ZFAND6: variants seen among roughly 807,000 people sequenced by gnomAD.
ZFAND6 encodes the protein AN1-type zinc finger protein 6.
In ZFAND6, 12 loss-of-function variants were observed where a neutral mutation model predicts 24.5. The observed-to-expected ratio is 0.49, with a 90% CI of 0.31 to 0.79. The LOEUF is 0.79. Among genes scored for constraint, ZFAND6 ranks in the 30% least tolerant of loss-of-function variants. The pLI, the probability that ZFAND6 is intolerant of heterozygous loss-of-function variation, is 0.04. For synonymous variants in ZFAND6, 92 were observed against 81.5 expected (o/e 1.13, Z -0.69); for missense variants, 207 against 245.9 (o/e 0.84, Z 1.06).
intron 2 of ZFAND6, among the ~76,000 whole-genome samples, chr15:80,100,622 TC>T (rs747322354): frequency 1.3e-5 from 2 of 152,226 alleles, no homozygotes; most frequent in Non-Finnish European, 2.9e-5. Flanking sequence ...TCTACTTTAT[TC>T]CCTCTTCCTT....
rs576274576 is a variant in ZFAND6 at position 80,068,003 on chromosome 15, C to G, written c.-181+8194C>G. On this transcript the variant is annotated intron_variant, in intron 1 of 6. Transcript: ENST00000261749. ...TTGAGACGGAATCTTACTCTGTTGC[C>G]CAGGCTGGAGTGCAGTGGCACAATC... 1.1e-4 allele frequency among the ~76,000 whole-genome samples: 17 copies of G among 152,056 alleles called. No individual in the cohort carries two copies. In the South Asian group the frequency reaches 2.1e-3, roughly 19 times the overall value.
At chr15:80,072,734 GT>G (rs2037050092) in intron 1 of ZFAND6, 1 of 151,966 alleles carries the variant, frequency 6.6e-6, no homozygotes, top group Non-Finnish European at 1.5e-5. Context: ...TTTTGTCACT[GT>G]TTTTATTTTC....
intron 1 of ZFAND6, among the ~76,000 whole-genome samples, chr15:80,079,245 G>C (rs2037488591): frequency 6.6e-6 from 1 of 151,834 alleles, no homozygotes; most frequent in African/African-American, 2.4e-5. Context: ...TTTGGAGACG[G>C]AGTCTCGCTC....
chr15:80,067,126 G>C (rs555563356), intron 1 of ZFAND6, among the ~76,000 whole-genome samples: 1 of 152,276 alleles, frequency 6.6e-6, no homozygotes, highest in African/African-American at 2.4e-5. Flanking sequence ...AGAATGACTG[G>C]TGTTTACTGA....
At chr15:80,093,622 G>A (rs2038527230) in intron 1 of ZFAND6, among the ~76,000 whole-genome samples, 1 of 152,172 alleles carries the variant, frequency 6.6e-6, no homozygotes, top group Non-Finnish European at 1.5e-5. Context: ...CTACTCAGGA[G>A]ACTGAGGCAG....
At chr15:80,132,335 C>T (rs931950152) in intron 6 of ZFAND6, among the ~76,000 whole-genome samples, 1 of 151,530 alleles carries the variant, frequency 6.6e-6, no homozygotes, top group Non-Finnish European at 1.5e-5. Context: ...TGTATTTTAT[C>T]ATTTACTACC....
intron 2 of ZFAND6, among the ~76,000 whole-genome samples, chr15:80,117,663 A>G (rs1270976931): frequency 6.6e-6 from 1 of 152,162 alleles, no homozygotes; most frequent in Non-Finnish European, 1.5e-5. Flanking sequence ...TCTTTACACA[A>G]CAGGAGTGCT....
chr15:80,114,996 G>A (rs746597377), intron 2 of ZFAND6: 1 of 152,014 alleles, frequency 6.6e-6, no homozygotes, highest in African/African-American at 2.4e-5. Context: ...TCTCTTTTTT[G>A]TTGTTGGTTT....
At chr15:80,073,773 ACTAT>A (rs2037111230) in intron 1 of ZFAND6, among the ~76,000 whole-genome samples, 1 of 151,862 alleles carries the variant, frequency 6.6e-6, no homozygotes. Context: ...TTTTCACTTA[ACTAT>A]CTGTTGAAAT....
chr15:80,083,849 G>A (rs111857454), intron 1 of ZFAND6, among the ~76,000 whole-genome samples: 12 of 152,286 alleles, frequency 7.9e-5, no homozygotes, highest in African/African-American at 2.9e-4. Context: ...GCAACAGAGC[G>A]AAATTCCTTC....
At chr15:80,078,393 CT>C (rs1163458486) in intron 1 of ZFAND6, among the ~76,000 whole-genome samples, 1 of 152,168 alleles carries the variant, frequency 6.6e-6, no homozygotes, top group Non-Finnish European at 1.5e-5. Flanking sequence ...TGATTTTGTT[CT>C]TTTTTATGGC....
chr15:80,126,119 G>A (rs2040360674), intron 5 of ZFAND6, among the ~76,000 whole-genome samples: 3 of 152,160 alleles, frequency 2.0e-5, no homozygotes, highest in African/African-American at 7.2e-5. Flanking sequence ...ACCATATAGA[G>A]AGAGGAATGC....
intron 2 of ZFAND6, among the ~76,000 whole-genome samples, chr15:80,107,627 C>A (rs1355307681): frequency 3.9e-5 from 6 of 152,040 alleles, no homozygotes; most frequent in Admixed American, 1.3e-4. Context: ...GAGTTCAAGA[C>A]CAGTCTGGCC....
chr15:80,104,075 C>T (rs552727767), intron 2 of ZFAND6, among the ~76,000 whole-genome samples: 5 of 152,276 alleles, frequency 3.3e-5, no homozygotes, highest in Admixed American at 3.3e-4. Flanking sequence ...GTCTTGAACT[C>T]AAGCAATCCT....
chr15:80,111,237 T>C (rs540559980), intron 2 of ZFAND6, among the ~76,000 whole-genome samples: 4 of 152,298 alleles, frequency 2.6e-5, no homozygotes, highest in South Asian at 2.1e-4. Context: ...ATGAGACATA[T>C]ATTGCCTTTC....
intron 1 of ZFAND6, among the ~76,000 whole-genome samples, chr15:80,096,521 G>A (rs533540753): frequency 1.8e-4 from 27 of 152,256 alleles, no homozygotes; most frequent in Non-Finnish European, 2.2e-4. Flanking sequence ...AGAAACATTT[G>A]AGTTACTTTG....
chr15:80,100,215 T>C (rs1049331907), intron 2 of ZFAND6, among the ~76,000 whole-genome samples: 1 of 152,326 alleles, frequency 6.6e-6, no homozygotes, highest in South Asian at 2.1e-4. Context: ...TTACTGCCAT[T>C]TGGCATTTCC....
chr15:80,088,038 T>A (rs1299317458), intron 1 of ZFAND6, among the ~76,000 whole-genome samples: 1 of 151,350 alleles, frequency 6.6e-6, no homozygotes. Context: ...GTGATTAAGT[T>A]ATCAAAATCA....
chr15:80,059,998 G>C (rs1263937514), intron 1 of ZFAND6, among the ~76,000 whole-genome samples, 189 bp downstream of exon 1: 1 of 151,284 alleles, frequency 6.6e-6, no homozygotes, highest in Non-Finnish European at 1.5e-5. Context: ...GCGAGAGGGC[G>C]AGGACTCCCG....
Sources: gnomAD v4.1 joint callset for allele counts (sites outside exome capture counted in the v4.1 genomes callset) on GRCh38, gnomAD v4.1.1 for gene constraint, MANE v1.5 for transcripts, NCBI Gene and HGNC (gene_info 2026-07-23, HGNC 2026-07-21) for gene names.